PRSS12: variants seen among roughly 807,000 people sequenced by gnomAD.
PRSS12 encodes the protein serine protease 12.
Under a neutral mutation model 104.4 loss-of-function variants are expected in PRSS12, and 85 were observed. The observed-to-expected ratio is 0.81, with a 90% CI of 0.68 to 0.98. The LOEUF (loss-of-function observed/expected upper bound fraction) is 0.98. PRSS12 is among the 50% of genes least tolerant of loss of function. The pLI, the probability that PRSS12 is intolerant of heterozygous loss-of-function variation, is 0.00. For synonymous variants in PRSS12, 454 were observed against 425.2 expected, an observed-to-expected ratio of 1.07 and a Z score of -0.83; for missense variants, 1,141 against 1,139.2, an observed-to-expected ratio of 1.00 and a Z score of -0.02.
intron 11 of PRSS12, among the ~76,000 whole-genome samples, chr4:118,284,060 G>A (rs1326327793): frequency 2.0e-5 from 3 of 152,100 alleles, no homozygotes; most frequent in African/African-American, 7.2e-5. Context: ...TCATACTAAA[G>A]TATGATGATT....
chr4:118,344,181 G>A (rs1724291738), intron 1 of PRSS12, among the ~76,000 whole-genome samples: 2 of 152,010 alleles, frequency 1.3e-5, no homozygotes, highest in Admixed American at 6.6e-5. Context: ...ACCATTACAT[G>A]TTGAACAATT....
chr4:118,318,678 C>T (rs1723520889), intron 4 of PRSS12, 122 bp from the exon 5 acceptor site: 2 of 953,118 alleles, frequency 2.1e-6, no homozygotes, highest in Non-Finnish European at 3.2e-6. Flanking sequence ...CTTCACAGGT[C>T]ATGCATGACT....
chr4:118,322,041 T>A (rs1009369955), intron 4 of PRSS12, among the ~76,000 whole-genome samples: 3 of 152,190 alleles, frequency 2.0e-5, no homozygotes, highest in African/African-American at 7.2e-5. Context: ...CATTTTCAAA[T>A]ATTTGAATGC....
chr4:118,315,301 A>C (rs532441133), intron 6 of PRSS12, among the ~76,000 whole-genome samples: 1 of 152,290 alleles, frequency 6.6e-6, no homozygotes, highest in South Asian at 2.1e-4. Context: ...TGATAGCATA[A>C]GGATAAAAAA....
At chr4:118,352,033 G>C (rs796301915) in intron 1 of PRSS12, among the ~76,000 whole-genome samples, 186 bp downstream of exon 1, 7 of 152,202 alleles carry the variant, frequency 4.6e-5, no homozygotes, top group African/African-American at 1.4e-4. Flanking sequence ...CACCTGGCTG[G>C]CTTAGATTTG....
chr4:118,297,043 C>T (rs1743269773), intron 9 of PRSS12, among the ~76,000 whole-genome samples: 1 of 152,118 alleles, frequency 6.6e-6, no homozygotes, highest in Non-Finnish European at 1.5e-5. Context: ...TAAAGTCATA[C>T]ACTATTATTT....
At chr4:118,322,563 A>ACTGGTTCT (rs1156530667) in intron 4 of PRSS12, among the ~76,000 whole-genome samples, 2 of 151,910 alleles carry the variant, frequency 1.3e-5, no homozygotes, top group Non-Finnish European at 1.5e-5. Context: ...AAAAAAAAAA[A>ACTGGTTCT]AATTACAATA....
intron 8 of PRSS12, among the ~76,000 whole-genome samples, chr4:118,299,578 G>C (rs1743340302): frequency 6.6e-6 from 1 of 151,732 alleles, no homozygotes; most frequent in African/African-American, 2.4e-5. Flanking sequence ...TACTTGGGAG[G>C]CTGAGGCAGG....
intron 7 of PRSS12, 133 bp from the exon 8 acceptor site, chr4:118,308,710 G>A: frequency 8.0e-7 from 1 of 1,244,858 alleles, no homozygotes; most frequent in Non-Finnish European, 1.1e-6. Flanking sequence ...TTTTGAGAGA[G>A]AGGAGATATA....
intron 4 of PRSS12, among the ~76,000 whole-genome samples, chr4:118,322,531 C>CA (rs1334022258): frequency 2.7e-5 from 4 of 146,120 alleles, no homozygotes; most frequent in African/African-American, 1.0e-4. Context: ...GCCTGGGTGA[C>CA]ACAGCGAGAC....
chr4:118,352,961 C>G lies in PRSS12; in HGVS notation c.-241G>C, dbSNP rs1201004885. The stretch of plus-strand genomic sequence containing the variant: ...GGAAATCTGGAGCTCAGCCGAGCCC[C>G]GGCCGGCGGAGAGGACCGGAAAAGA... On this transcript the variant is annotated 5_prime_UTR_variant, in exon 1 of 13. Coordinates refer to ENST00000296498, the MANE Select transcript of PRSS12 (RefSeq NM_003619.4). The G allele has an allele frequency of 2.5e-5, 27 of 1,091,254 alleles. No homozygotes were observed. Among genetic ancestry groups the G allele is most frequent in the Admixed American group, 3.8e-5 (1 of 26,136 alleles). The allele number at this position is 1,091,254 out of a possible 1,614,324, so 67.6% of individuals were successfully genotyped here. A position where few individuals can be genotyped will look rare whatever the true frequency, so the allele number is the denominator to read the frequency against.
intron 1 of PRSS12, among the ~76,000 whole-genome samples, chr4:118,340,816 A>G (rs1188270170): frequency 1.3e-5 from 2 of 152,264 alleles, no homozygotes; most frequent in East Asian, 3.8e-4. Flanking sequence ...CAGGTTTAAC[A>G]AAGTGTGGTC....
At chr4:118,295,959 C>T (rs788665) in intron 9 of PRSS12, 103 bp from the exon 10 acceptor site, 1 of 1,028,410 alleles carries the variant, frequency 9.7e-7, no homozygotes, top group Non-Finnish European at 1.5e-6. Flanking sequence ...ATGTCAAAAT[C>T]CCTTTTCTCT....
intron 3 of PRSS12, 70 bp from the exon 4 acceptor site, chr4:118,331,936 C>T: frequency 6.3e-7 from 1 of 1,591,734 alleles, no homozygotes; most frequent in Admixed American, 1.7e-5. Context: ...TAGGTATATT[C>T]TATATTTTTT....
At chr4:118,284,386 C>G (rs1328674183) in intron 11 of PRSS12, among the ~76,000 whole-genome samples, 1 of 152,248 alleles carries the variant, frequency 6.6e-6, no homozygotes, top group African/African-American at 2.4e-5. Flanking sequence ...AAGACTAGAG[C>G]TCCATGCTCA....
At chr4:118,282,392 T>C (rs558468661) in intron 12 of PRSS12, 149 bp from the exon 13 acceptor site, 5 of 1,025,586 alleles carry the variant, frequency 4.9e-6, no homozygotes, top group Middle Eastern at 6.0e-4. Context: ...GTATGTACTA[T>C]TGTTAGCTGC....
intron 9 of PRSS12, among the ~76,000 whole-genome samples, chr4:118,297,355 C>T (rs756241967): frequency 7.9e-5 from 12 of 151,932 alleles, no homozygotes; most frequent in Admixed American, 3.3e-4. Context: ...CAACTGCTTA[C>T]GGAATTTCAC....
intron 4 of PRSS12, among the ~76,000 whole-genome samples, chr4:118,323,574 A>G (rs1342665526): frequency 6.6e-6 from 1 of 151,914 alleles, no homozygotes; most frequent in Admixed American, 6.6e-5. Flanking sequence ...TACTAGACTA[A>G]AATATAGGAA....
chr4:118,285,155 ATAGT>A (rs889457332), intron 11 of PRSS12, among the ~76,000 whole-genome samples: 1 of 152,226 alleles, frequency 6.6e-6, no homozygotes, highest in African/African-American at 2.4e-5. Flanking sequence ...TTTAATATTA[ATAGT>A]TAATCTGTGA....
Sources: allele counts gnomAD v4.1 joint callset (sites outside exome capture counted in the v4.1 genomes callset), GRCh38; gene constraint gnomAD v4.1.1; transcripts MANE v1.5; gene names NCBI Gene and HGNC (gene_info 2026-07-23, HGNC 2026-07-21).